Variants in CALHM4 observed in about 807,000 individuals in gnomAD.
CALHM4 encodes calcium homeostasis modulator family member 4.
CALHM4 carries 16 observed loss-of-function variants against 13.3 expected under a neutral mutation model. The ratio of observed to expected loss-of-function variants is 1.20; its 90% CI spans 0.81 to 1.82. CALHM4 has a LOEUF of 1.82. Ranked by LOEUF, CALHM4 falls within the 40% of genes most tolerant of loss-of-function variation. The pLI, the probability that CALHM4 is intolerant of heterozygous loss-of-function variation, is 0.00. For synonymous variants in CALHM4, 127 were observed against 137.1 expected, an observed-to-expected ratio of 0.93 and a Z score of 0.52; for missense variants, 344 against 374.9, an observed-to-expected ratio of 0.92 and a Z score of 0.68.
At chr6:116,555,047 TA>T (rs1054022259) in intron 1 of CALHM4, among the ~76,000 whole-genome samples, 12 of 152,348 alleles carry the variant, frequency 7.9e-5, no homozygotes, top group Non-Finnish European at 1.6e-4. Context: ...CATCATATAG[TA>T]AAAACATGGC....
At chr6:116,542,381 T>C (rs184850281) in intron 1 of CALHM4, among the ~76,000 whole-genome samples, 1 of 152,114 alleles carries the variant, frequency 6.6e-6, no homozygotes, top group Non-Finnish European at 1.5e-5. Context: ...AAAATGAGAG[T>C]TTTTTAAAAA....
chr6:116,534,524 T>G (rs1358434451), intron 1 of CALHM4, among the ~76,000 whole-genome samples: 1 of 152,228 alleles, frequency 6.6e-6, no homozygotes, highest in African/African-American at 2.4e-5. Flanking sequence ...TAATCTCAAA[T>G]GGAACATTTT....
intron 1 of CALHM4, among the ~76,000 whole-genome samples, chr6:116,556,967 GTCTC>G (rs1175532795): frequency 8.2e-4 from 111 of 135,406 alleles, no homozygotes; most frequent in African/African-American, 2.9e-3. Context: ...TTGAGATGGA[GTCTC>G]TCTCTGTCAC....
At chr6:116,551,684 A>G (rs1021772620), upstream of CALHM4, among the ~76,000 whole-genome samples, 1 of 152,180 alleles carries the variant, frequency 6.6e-6, no homozygotes, top group Non-Finnish European at 1.5e-5. Flanking sequence ...ATTCATGTGC[A>G]AGTTTTCATG....
At chr6:116,546,792 A>G (rs1424574009) in intron 2 of CALHM4, among the ~76,000 whole-genome samples, 1 of 152,208 alleles carries the variant, frequency 6.6e-6, no homozygotes, top group Non-Finnish European at 1.5e-5. Context: ...ATGGAATTCT[A>G]CAATACCTAA....
intron 2 of CALHM4, among the ~76,000 whole-genome samples, chr6:116,546,833 C>T (rs1320783711): frequency 2.0e-5 from 3 of 152,158 alleles, no homozygotes; most frequent in African/African-American, 7.2e-5. Context: ...TGTTCTATGA[C>T]ACTATGATCT....
Position 116,543,798 on chromosome 6 carries a change from G to A in CALHM4, c.-75G>A, listed in dbSNP as rs532754811. 6.5e-5 allele frequency: 99 copies of A among 1,532,652 alleles called. 1 individual carries two copies. In the Middle Eastern group the frequency reaches 1.7e-3, roughly 26 times the overall value. The allele number at this position is 1,532,652 out of a possible 1,614,324, so 94.9% of individuals were successfully genotyped here. On this transcript the variant is annotated 5_prime_UTR_variant, in exon 2 of 3. Transcript: ENST00000368597. The stretch of plus-strand genomic sequence containing the variant: ...AAGAATTGGATAAGACTTCTCAGGC[G>A]TCTGCACAATCCCTAATGGCCCCCA...
Position 116,560,735 on chromosome 6 carries a change from C to T in CALHM4, c.*2524C>T, listed in dbSNP as rs1015467600. Among the ~76,000 whole-genome samples, 3 of 151,878 alleles carry T rather than the reference C, an allele frequency of 2.0e-5. No homozygotes were observed. The highest frequency in any genetic ancestry group is 7.3e-5 in the African/African-American group (3 of 41,272). On this transcript the variant is annotated 3_prime_UTR_variant, in exon 2 of 2. Transcript: ENST00000368596. The stretch of plus-strand genomic sequence containing the variant: ...CTTTTTCATTAAGAACATGGTACTC[C>T]CTCCCCTTTATGCTTAATGGATTTA...
chr6:116,543,836 A>G, exon 2 of CALHM4: 1 of 1,534,420 alleles, frequency 6.5e-7, no homozygotes, highest in Non-Finnish European at 8.7e-7. Context: ...TCTGCCAAGG[A>G]GACCTTCAGG....
rs1774508757 is a variant in CALHM4, at chr6:116,559,870, AC to A, written c.*1660del. 1.3e-5 allele frequency among the ~76,000 whole-genome samples: 2 copies of A among 152,054 alleles called. No homozygotes were observed. Among genetic ancestry groups the A allele is most frequent in the Admixed American group, 1.3e-4 (2 of 15,270 alleles). The stretch of plus-strand genomic sequence containing the variant: ...TTCTCTTGGAAGGAAAATGTCCCCA[AC>A]TCTGAATCTGAGCTTTCTCTGAAAA... On this transcript the variant is annotated 3_prime_UTR_variant, in exon 2 of 2. Coordinates refer to ENST00000368596, the MANE Select transcript of CALHM4 (RefSeq NM_001366078.2).
chr6:116,556,411 AC>A (rs1422280517), intron 1 of CALHM4, among the ~76,000 whole-genome samples: 1 of 152,190 alleles, frequency 6.6e-6, no homozygotes, highest in East Asian at 1.9e-4. Context: ...GGGAAGGTCA[AC>A]CTGGAGCTCA....
At chr6:116,557,804 C>G in intron 1 of CALHM4, 21 bp from the exon 2 acceptor site, 1 of 1,594,634 alleles carries the variant, frequency 6.3e-7, no homozygotes, top group Non-Finnish European at 8.6e-7. Flanking sequence ...TCCTGTTTTT[C>G]TTTTTAATAA....
chr6:116,544,151 A>AAAAGAGAGAGAGAG (rs1554238330), intron 2 of CALHM4, among the ~76,000 whole-genome samples: 2 of 132,918 alleles, frequency 1.5e-5, no homozygotes, highest in African/African-American at 2.7e-5. Context: ...AAAGGTGAAG[A>AAAAGAGAGAGAGAG]AGAGAGAGAG....
upstream of CALHM4, among the ~76,000 whole-genome samples, chr6:116,552,934 C>T (rs1774141889): frequency 1.3e-5 from 2 of 152,028 alleles, no homozygotes; most frequent in Admixed American, 6.6e-5. Context: ...ATTAGCCAGG[C>T]GTGGTGGCGG....
upstream of CALHM4, among the ~76,000 whole-genome samples, chr6:116,552,345 G>A (rs577555598): frequency 1.6e-4 from 25 of 152,092 alleles, no homozygotes; most frequent in African/African-American, 2.9e-4. Context: ...TTAGTTGTGC[G>A]TTTATTTTTC....
upstream of CALHM4, among the ~76,000 whole-genome samples, chr6:116,550,346 C>T (rs530989869): frequency 6.6e-6 from 1 of 152,154 alleles, no homozygotes; most frequent in East Asian, 1.9e-4. Flanking sequence ...TGGTTAAAAG[C>T]ATGTGTTAGA....
intron 1 of CALHM4, 88 bp from the exon 2 acceptor site, chr6:116,557,737 G>T (rs1375767451): frequency 1.4e-6 from 2 of 1,453,602 alleles, no homozygotes; most frequent in Non-Finnish European, 1.9e-6. Flanking sequence ...TAGTTCTTAG[G>T]TTTGTAGGAA....
At chr6:116,530,075 A>C (rs1772603971) in intron 1 of CALHM4, among the ~76,000 whole-genome samples, 1 of 152,202 alleles carries the variant, frequency 6.6e-6, no homozygotes, top group African/African-American at 2.4e-5. Flanking sequence ...ATCTAGACTT[A>C]GACCCAGAAT....
chr6:116,550,569 GA>G (rs1380176145), upstream of CALHM4, among the ~76,000 whole-genome samples: 7 of 151,988 alleles, frequency 4.6e-5, no homozygotes, highest in Admixed American at 3.9e-4. Flanking sequence ...GTTAGCTGTT[GA>G]AAAAAATTTT....
Sources: gnomAD v4.1 joint callset for allele counts (sites outside exome capture counted in the v4.1 genomes callset) on GRCh38, gnomAD v4.1.1 for gene constraint, MANE v1.5 for transcripts, NCBI Gene and HGNC (gene_info 2026-07-23, HGNC 2026-07-21) for gene names.